The following CEP152 variants were observed in gnomAD, a reference collection of about 807,000 sequenced individuals.
The protein encoded by CEP152 is centrosomal protein 152, also known as centrosomal protein of 152 kDa.
In CEP152, 132 loss-of-function variants were observed where a neutral mutation model predicts 188.9. That is an observed-to-expected ratio of 0.70 (90% confidence interval 0.61 to 0.81). The LOEUF is 0.81. Ranked by LOEUF, CEP152 falls within the 30% of genes least tolerant of loss-of-function variation. The pLI is 0.00. For synonymous variants in CEP152, 649 were observed against 666.6 expected (o/e 0.97, Z 0.41); for missense variants, 1,914 against 1,969.8 (o/e 0.97, Z 0.54).
chr15:48,806,795 T>C (rs184452181), intron 1 of CEP152, among the ~76,000 whole-genome samples: 2 of 152,232 alleles, frequency 1.3e-5, no homozygotes, highest in Non-Finnish European at 2.9e-5. Context: ...GATTCTATGA[T>C]GCAGTTCCAT....
chr15:48,738,897 T>TG lies in CEP152; in HGVS notation c.4484dup (p.Tyr1496IlefsTer10). ...TTCCTAAGGTTCCAAGAAAGGGGTATGCAGCTGAATGCGGAAGTGATTCAG... is the reference window on the plus strand; with the variant it reads ...TTCCTAAGGTTCCAAGAAAGGGGTATGGCAGCTGAATGCGGAAGTGATTCAG... On this transcript the variant is annotated frameshift_variant, in exon 27 of 27. Transcript: ENST00000380950. LOFTEE classifies it low-confidence loss of function (END_TRUNC). 6.2e-7 allele frequency: 1 copy of TG among 1,614,232 alleles called. No individual in the cohort carries two copies. Among genetic ancestry groups the TG allele is most frequent in the Non-Finnish European group, 8.5e-7 (1 of 1,180,034 alleles).
At chr15:48,741,314 C>T in intron 26 of CEP152, 2 of 1,201,218 alleles carry the variant, frequency 1.7e-6, no homozygotes, top group Non-Finnish European at 2.1e-6. Flanking sequence ...TTTTTAAAAC[C>T]CACTTATAAT....
In CEP152 at chr15:48,752,423, C is replaced by G. The variant is rs756638874; in HGVS notation, c.3392G>C (p.Gly1131Ala). The part of the protein sequence containing the change: ...LSKDSASQGT[G>A]QGDPGPAAGH... Reference sequence around the variant, plus strand: ...AGCAGCAGGTCCAGGGTCTCCTTGGCCAGTGCCCTGGCTGGCAGAATCCTT... The same window carrying G: ...AGCAGCAGGTCCAGGGTCTCCTTGGGCAGTGCCCTGGCTGGCAGAATCCTT... The change falls in exon 21 of 27, where the codon GGC becomes GCC. Residue 1131 changes from glycine to alanine, a missense_variant. Coordinates refer to ENST00000380950, the MANE Select transcript of CEP152 (RefSeq NM_001194998.2). The G allele has an allele frequency of 6.2e-7, 1 of 1,613,882 alleles. No individual in the cohort carries two copies. The highest frequency in any genetic ancestry group is 1.7e-5 in the Admixed American group (1 of 60,024).
chr15:48,769,157 A>T, intron 13 of CEP152, 76 bp from the exon 14 acceptor site: 4 of 1,242,882 alleles, frequency 3.2e-6, no homozygotes, highest in Non-Finnish European at 4.6e-6. Context: ...TCCATACTTT[A>T]AAAAAATTGC....
chr15:48,780,726 G>C (rs1019553317), intron 12 of CEP152, among the ~76,000 whole-genome samples: 1 of 152,148 alleles, frequency 6.6e-6, no homozygotes, highest in African/African-American at 2.4e-5. Context: ...TTCCAACAAT[G>C]TTTCTTTCTC....
chr15:48,752,919 C>A (rs1027442732), intron 20 of CEP152, among the ~76,000 whole-genome samples: 9 of 152,074 alleles, frequency 5.9e-5, no homozygotes, highest in African/African-American at 2.2e-4. Context: ...AGTTAAAAAT[C>A]ATTTTAAATT....
chr15:48,755,323 T>A (rs1024319275), intron 20 of CEP152, among the ~76,000 whole-genome samples: 12 of 152,160 alleles, frequency 7.9e-5, no homozygotes, highest in African/African-American at 2.9e-4. Context: ...TTGGTTGGCA[T>A]TTTTTTGCCT....
At chr15:48,752,893 A>G (rs974888225) in intron 20 of CEP152, among the ~76,000 whole-genome samples, 1 of 152,212 alleles carries the variant, frequency 6.6e-6, no homozygotes, top group Non-Finnish European at 1.5e-5. Flanking sequence ...TCTGCCTCCT[A>G]TGAATTGAAA....
chr15:48,781,135 T>A (rs1896213593), intron 12 of CEP152, 61 bp downstream of exon 12: 1 of 1,392,820 alleles, frequency 7.2e-7, no homozygotes, highest in African/African-American at 1.4e-5. Flanking sequence ...ACAGATACCA[T>A]GCATCATCAG....
intron 3 of CEP152, 98 bp downstream of exon 3, chr15:48,797,850 A>C: frequency 6.7e-7 from 1 of 1,484,652 alleles, no homozygotes; most frequent in East Asian, 2.4e-5. Context: ...TTTAAGAATC[A>C]ATTTACAATT....
At chr15:48,767,948 G>A (rs765345832) in intron 15 of CEP152, among the ~76,000 whole-genome samples, 3 of 152,012 alleles carry the variant, frequency 2.0e-5, no homozygotes, top group Admixed American at 6.5e-5. Context: ...TTTCCCAGAC[G>A]AGTCTTTAAA....
chr15:48,760,391 G>C (rs1013791613), intron 18 of CEP152, 125 bp from the exon 19 acceptor site: 2 of 1,136,842 alleles, frequency 1.8e-6, no homozygotes, highest in African/African-American at 1.5e-5. Flanking sequence ...AAGTCAAACT[G>C]ACTGCAAGTA....
intron 9 of CEP152, among the ~76,000 whole-genome samples, chr15:48,786,436 C>T (rs1004733786): frequency 2.0e-5 from 3 of 151,948 alleles, no homozygotes; most frequent in African/African-American, 7.2e-5. Context: ...ATCTTTTCTA[C>T]CCAGAAAAGC....
intron 14 of CEP152, among the ~76,000 whole-genome samples, chr15:48,768,737 A>G (rs1895307418): frequency 1.3e-5 from 2 of 152,188 alleles, no homozygotes; most frequent in South Asian, 4.1e-4. Flanking sequence ...CCATGCTACC[A>G]TAGAGAAAGA....
intron 15 of CEP152, 113 bp downstream of exon 15, chr15:48,768,106 A>C: frequency 2.8e-6 from 2 of 723,182 alleles, no homozygotes. Flanking sequence ...CCAAGATCTC[A>C]ACAGGGTAGA....
chr15:48,770,044 T>G (rs1469155059), intron 13 of CEP152, among the ~76,000 whole-genome samples: 2 of 152,262 alleles, frequency 1.3e-5, no homozygotes, highest in Non-Finnish European at 2.9e-5. Context: ...TTTTTCCACC[T>G]TCCCAGATTT....
Position 48,748,586 on chromosome 15 carries a change from T to C in CEP152, c.3491A>G (p.Lys1164Arg). 6.6e-7 allele frequency: 1 copy of C among 1,504,526 alleles called. No individual in the cohort carries two copies. The highest frequency in any genetic ancestry group is 8.8e-7 in the Non-Finnish European group (1 of 1,133,266). 93.2% of individuals were successfully genotyped at this position (1,504,526 alleles called of 1,614,324 possible). Reference sequence around the variant, plus strand: ...GAAGCAGTGTCCACAGCATAAATCCTTAATTTCAAGGACCTTTTTCTTATC... The same window carrying C: ...GAAGCAGTGTCCACAGCATAAATCCCTAATTTCAAGGACCTTTTTCTTATC... The part of the protein sequence containing the change: ...EADKKKVLEI[K>R]DLCCGHCFQE... Residue 1164 changes from lysine to arginine, a missense_variant, in exon 22 of 27, where the codon AAG becomes AGG. Lys to Arg is a conservative substitution (Grantham distance 26). Transcript: ENST00000380950.
intron 26 of CEP152, chr15:48,740,652 G>T (rs1191027393): frequency 3.1e-5 from 4 of 130,582 alleles, no homozygotes; most frequent in African/African-American, 8.8e-5. Flanking sequence ...TTGAGACAGG[G>T]TCTGCTCTGT....
Position 48,738,830 on chromosome 15 carries a change from C to T in CEP152, c.4552G>A (p.Gly1518Arg). 1 of 1,614,154 alleles carries T rather than the reference C, an allele frequency of 6.2e-7. No individual in the cohort carries two copies. Among genetic ancestry groups the T allele is most frequent in the Non-Finnish European group, 8.5e-7 (1 of 1,180,006 alleles). Reference protein sequence around the residue: ...PRCTPGPSESGCMHITFRDSN... With the variant: ...PRCTPGPSESRCMHITFRDSN... Reference sequence around the variant, plus strand: ...TCGCGAAAGGTTATATGCATGCATCCTGATTCAGAAGGACCAGGGGTACAT... The same window carrying T: ...TCGCGAAAGGTTATATGCATGCATCTTGATTCAGAAGGACCAGGGGTACAT... The change falls in exon 27 of 27, where the codon GGA (glycine) becomes AGA (arginine). Residue 1518 changes from glycine (G) to arginine (R), a missense_variant. Transcript: ENST00000380950.
Sources: allele counts gnomAD v4.1 joint callset (sites outside exome capture counted in the v4.1 genomes callset), GRCh38; gene constraint gnomAD v4.1.1; transcripts MANE v1.5; gene names NCBI Gene and HGNC (gene_info 2026-07-23, HGNC 2026-07-21).